The following HDAC8 variants were observed in gnomAD, a reference collection of about 807,000 sequenced individuals.
The protein encoded by HDAC8 is histone deacetylase 8.
A neutral mutation model predicts 32.2 loss-of-function variants in HDAC8; 1 was observed. That is an observed-to-expected ratio of 0.03 (90% confidence interval 0.01 to 0.15). HDAC8 has a LOEUF of 0.15. HDAC8 is among the 10% of genes least tolerant of loss of function. The pLI is 1.00. For missense variants in HDAC8, 117 were observed against 300.0 expected (o/e 0.39, Z 4.51); for synonymous variants, 108 against 113.9 (o/e 0.95, Z 0.33).
chrX:72,568,673 C>T (rs781857742), intron 3 of HDAC8, 81 bp downstream of exon 3: 19 of 1,093,030 alleles, frequency 1.7e-5, no homozygotes, highest in Admixed American at 1.1e-4. Flanking sequence ...GATTTCTTAA[C>T]GAAAAATATT....
chrX:72,473,946 T>G, intron 7 of HDAC8: 3 of 704,948 alleles, frequency 4.3e-6, no homozygotes, highest in Non-Finnish European at 5.0e-6. Flanking sequence ...TTCTCCTCCA[T>G]GCACTTTACA....
chrX:72,481,932 T>C (rs1556003389), intron 7 of HDAC8, among the ~76,000 whole-genome samples: 1 of 111,121 alleles, frequency 9.0e-6, no homozygotes, highest in South Asian at 3.9e-4. Flanking sequence ...TAAAATTGAA[T>C]GATAACCTGG....
At chrX:72,490,859 G>T in intron 6 of HDAC8, 70 bp downstream of exon 6, 1 of 860,499 alleles carries the variant, frequency 1.2e-6, no homozygotes, top group Non-Finnish European at 1.7e-6. Context: ...AACTGTCCAA[G>T]TATAAGAAAT....
chrX:72,486,672 G>A (rs2048686693), intron 7 of HDAC8, among the ~76,000 whole-genome samples: 1 of 111,489 alleles, frequency 9.0e-6, no homozygotes, highest in South Asian at 3.8e-4. Flanking sequence ...GGAAGACCCT[G>A]TCCACAACCC....
chrX:72,487,876 G>A (rs2048730577), intron 7 of HDAC8, among the ~76,000 whole-genome samples: 1 of 107,594 alleles, frequency 9.3e-6, no homozygotes, highest in Non-Finnish European at 1.9e-5. Flanking sequence ...CACATCTCAA[G>A]GACAGAAGAG....
chrX:72,440,068 T>G (rs1346181088), intron 9 of HDAC8, among the ~76,000 whole-genome samples: 1 of 111,957 alleles, frequency 8.9e-6, no homozygotes, highest in African/African-American at 3.3e-5. Context: ...GACCACATAA[T>G]TGGAAGTAAA....
chrX:72,476,885 T>C (rs1316152686), intron 7 of HDAC8, among the ~76,000 whole-genome samples: 3 of 111,604 alleles, frequency 2.7e-5, no homozygotes, highest in African/African-American at 9.8e-5. Context: ...TCCTGAATAG[T>C]ATTCTAATGG....
At chrX:72,444,534 C>T (rs1233653817) in intron 9 of HDAC8, among the ~76,000 whole-genome samples, 6 of 106,920 alleles carry the variant, frequency 5.6e-5, no homozygotes, top group Non-Finnish European at 9.7e-5. Flanking sequence ...TGGGACGTAT[C>T]TCAAAATAAT....
At chrX:72,419,735 G>A (rs1007972015) in intron 9 of HDAC8, among the ~76,000 whole-genome samples, 1 of 111,396 alleles carries the variant, frequency 9.0e-6, no homozygotes, top group Non-Finnish European at 1.9e-5. Context: ...GACATTAGCT[G>A]TAGGTTTTTC....
intron 9 of HDAC8, among the ~76,000 whole-genome samples, chrX:72,353,428 A>C (rs1158339276): frequency 8.9e-6 from 1 of 112,245 alleles, no homozygotes; most frequent in East Asian, 2.8e-4. Flanking sequence ...TTACTCTCTG[A>C]TACCTGAAGC....
chrX:72,467,743 C>G, intron 7 of HDAC8: 1 of 379,894 alleles, frequency 2.6e-6, no homozygotes, highest in Non-Finnish European at 4.5e-6. Flanking sequence ...GTAGGATACC[C>G]TGAAGGTTGA....
At chrX:72,555,463 C>T (rs894835084) in intron 4 of HDAC8, among the ~76,000 whole-genome samples, 9 of 111,505 alleles carry the variant, frequency 8.1e-5, no homozygotes, top group African/African-American at 2.9e-4. Flanking sequence ...CAAGGAGCCA[C>T]CAGAGAAAGG....
intron 7 of HDAC8, among the ~76,000 whole-genome samples, chrX:72,482,664 G>GT (rs1447038143): frequency 3.9e-4 from 44 of 111,403 alleles, no homozygotes; most frequent in Non-Finnish European, 7.5e-4. Flanking sequence ...CAGGGATGGT[G>GT]TTTTTTAATT....
chrX:72,366,582 TCTC>T (rs1311918680), intron 9 of HDAC8, among the ~76,000 whole-genome samples: 2 of 112,084 alleles, frequency 1.8e-5, no homozygotes, highest in Non-Finnish European at 3.8e-5. Flanking sequence ...TGGGCAGTGT[TCTC>T]CTCAAGGGTG....
At chrX:72,439,526 A>C (rs1363621999) in intron 9 of HDAC8, among the ~76,000 whole-genome samples, 1 of 109,884 alleles carries the variant, frequency 9.1e-6, no homozygotes, top group Non-Finnish European at 1.9e-5. Flanking sequence ...GGCAAACTGG[A>C]TAAAGAGTCA....
At chrX:72,559,289 C>A (rs782447942) in intron 4 of HDAC8, among the ~76,000 whole-genome samples, 1 of 108,755 alleles carries the variant, frequency 9.2e-6, no homozygotes, top group East Asian at 2.9e-4. Flanking sequence ...CCAGGCTGGT[C>A]TCCAGCTCCT....
chrX:72,475,892 G>C (rs1391385870), intron 7 of HDAC8, among the ~76,000 whole-genome samples: 1 of 111,252 alleles, frequency 9.0e-6, no homozygotes, highest in African/African-American at 3.3e-5. Flanking sequence ...TTTTCGTAAC[G>C]TAATTTCTTA....
intron 9 of HDAC8, among the ~76,000 whole-genome samples, chrX:72,409,683 C>A (rs782386026): frequency 8.9e-6 from 1 of 112,679 alleles, no homozygotes; most frequent in Non-Finnish European, 1.9e-5. Context: ...AATTCAAATG[C>A]CACTTCCTCT....
intron 4 of HDAC8, among the ~76,000 whole-genome samples, chrX:72,531,727 T>C (rs1209300572): frequency 8.9e-6 from 1 of 111,975 alleles, no homozygotes; most frequent in Non-Finnish European, 1.9e-5. Context: ...CAATTTATGG[T>C]CTTTTGTGAC....
Sources: allele counts gnomAD v4.1 joint callset (sites outside exome capture counted in the v4.1 genomes callset), GRCh38; gene constraint gnomAD v4.1.1; transcripts MANE v1.5; gene names NCBI Gene and HGNC (gene_info 2026-07-23, HGNC 2026-07-21).